Variants in RTL4 observed in about 807,000 individuals in gnomAD.
RTL4 encodes the protein retrotransposon Gag-like protein 4.
Under a neutral mutation model 5.3 loss-of-function variants are expected in RTL4, and 4 were observed. That is an observed-to-expected ratio of 0.75 (90% CI 0.37 to 1.72). RTL4 has a LOEUF of 1.72. Ranked by LOEUF, RTL4 falls within the 40% of genes most tolerant of loss-of-function variation. RTL4 has a pLI of 0.04. For missense variants in RTL4, 260 were observed against 227.1 expected (o/e 1.14, Z -0.93); for synonymous variants, 98 against 87.3 (o/e 1.12, Z -0.68).
the RTL4 span, among the ~76,000 whole-genome samples, chrX:112,250,773 A>G: frequency 9.0e-6 from 1 of 111,711 alleles, no homozygotes; most frequent in East Asian, 2.8e-4. Flanking sequence ...GACAGGTAAC[A>G]TTTACCCCCC....
chrX:112,327,100 T>A, the RTL4 span, among the ~76,000 whole-genome samples: 1 of 111,923 alleles, frequency 8.9e-6, no homozygotes, highest in Non-Finnish European at 1.9e-5. Context: ...GCAGAGTGCC[T>A]CTCCTCCTCC....
the RTL4 span, among the ~76,000 whole-genome samples, chrX:112,438,341 C>G: frequency 9.0e-6 from 1 of 111,606 alleles, no homozygotes; most frequent in Non-Finnish European, 1.9e-5. Flanking sequence ...GCTTGAGTAT[C>G]CTGATGCATT....
chrX:112,321,308 T>A, the RTL4 span, among the ~76,000 whole-genome samples: 227 of 111,014 alleles, frequency 2.0e-3, no homozygotes, highest in African/African-American at 7.2e-3. Flanking sequence ...GAGGCCAAGG[T>A]GGGCGGATCA....
the RTL4 span, among the ~76,000 whole-genome samples, chrX:112,329,813 G>T: frequency 2.7e-5 from 3 of 111,257 alleles, no homozygotes; most frequent in Admixed American, 2.9e-4. Context: ...TATCCACCAA[G>T]ATCAAGGTGG....
chrX:112,260,176 G>A, the RTL4 span, among the ~76,000 whole-genome samples: 4 of 111,735 alleles, frequency 3.6e-5, no homozygotes, highest in African/African-American at 1.3e-4. Flanking sequence ...AGGGCTGGTG[G>A]TTGCAGTATC....
At chrX:112,430,686 C>G in the RTL4 span, among the ~76,000 whole-genome samples, 9 of 111,626 alleles carry the variant, frequency 8.1e-5, no homozygotes, top group African/African-American at 2.9e-4. Flanking sequence ...TTTCTGGGCA[C>G]AAGCAATCCT....
At chrX:112,152,073 G>A in the RTL4 span, among the ~76,000 whole-genome samples, 6 of 111,588 alleles carry the variant, frequency 5.4e-5, no homozygotes, top group Non-Finnish European at 1.1e-4. Flanking sequence ...TAACTTGACC[G>A]GGATACTTTC....
chrX:112,098,082 T>C, the RTL4 span, among the ~76,000 whole-genome samples: 1 of 109,626 alleles, frequency 9.1e-6, no homozygotes, highest in East Asian at 2.9e-4. Context: ...TAACATTAGG[T>C]ATATCTCCTA....
chrX:112,186,510 C>T, the RTL4 span, among the ~76,000 whole-genome samples: 1 of 111,750 alleles, frequency 8.9e-6, no homozygotes, highest in Non-Finnish European at 1.9e-5. Context: ...TATGGTGGAG[C>T]TTATGAAATA....
the RTL4 span, among the ~76,000 whole-genome samples, chrX:112,104,511 C>T: frequency 2.7e-5 from 3 of 111,736 alleles, no homozygotes; most frequent in East Asian, 8.4e-4. Flanking sequence ...TATCTTCCTA[C>T]CAATGGTGTG....
At chrX:112,416,865 C>G in the RTL4 span, among the ~76,000 whole-genome samples, 1 of 111,591 alleles carries the variant, frequency 9.0e-6, no homozygotes, top group Non-Finnish European at 1.9e-5. Context: ...ACACAGTATC[C>G]AAGAGATTTG....
the RTL4 span, among the ~76,000 whole-genome samples, chrX:112,298,114 C>T: frequency 9.0e-6 from 1 of 111,416 alleles, no homozygotes; most frequent in Non-Finnish European, 1.9e-5. Flanking sequence ...ACTTTCGGTT[C>T]GACTTTAGGC....
At chrX:112,303,613 G>T in the RTL4 span, among the ~76,000 whole-genome samples, 3 of 58,290 alleles carry the variant, frequency 5.1e-5, no homozygotes, top group Admixed American at 2.2e-4. Context: ...GTTGTGGGGT[G>T]GGGGGAGGGG....
chrX:112,248,581 A>T, the RTL4 span, among the ~76,000 whole-genome samples: 3 of 112,206 alleles, frequency 2.7e-5, no homozygotes, highest in Non-Finnish European at 5.6e-5. Flanking sequence ...ATACCCTATC[A>T]TTCTTATAGC....
chrX:112,397,088 T>A, the RTL4 span, among the ~76,000 whole-genome samples: 2 of 111,954 alleles, frequency 1.8e-5, no homozygotes, highest in Non-Finnish European at 3.8e-5. Flanking sequence ...TTTGGAAAGA[T>A]GGCACTATGC....
the RTL4 span, among the ~76,000 whole-genome samples, chrX:112,336,538 GT>G: frequency 8.9e-6 from 1 of 111,868 alleles, no homozygotes; most frequent in African/African-American, 3.2e-5. Context: ...TAATGCCTAT[GT>G]TTTGCCTAAA....
the RTL4 span, among the ~76,000 whole-genome samples, chrX:112,226,961 TA>T: frequency 1.7e-5 from 1 of 58,627 alleles, no homozygotes; most frequent in Non-Finnish European, 2.8e-5. Flanking sequence ...TAAAATAAAA[TA>T]AAATAAAATA....
the RTL4 span, among the ~76,000 whole-genome samples, chrX:112,267,129 G>C: frequency 2.7e-5 from 3 of 111,226 alleles, no homozygotes; most frequent in African/African-American, 9.8e-5. Context: ...GACCCCACTT[G>C]CCATAAATGT....
the RTL4 span, among the ~76,000 whole-genome samples, chrX:112,335,199 ACTT>A: frequency 8.9e-6 from 1 of 111,949 alleles, no homozygotes; most frequent in African/African-American, 3.2e-5. Context: ...CAAATTTCCC[ACTT>A]CTTCTTGAAT....
Sources: gnomAD v4.1 joint callset for allele counts (sites outside exome capture counted in the v4.1 genomes callset) on GRCh38, gnomAD v4.1.1 for gene constraint, MANE v1.5 for transcripts, NCBI Gene and HGNC (gene_info 2026-07-23, HGNC 2026-07-21) for gene names.